The following CEACAM8 variants were observed in gnomAD, a reference collection of about 807,000 sequenced individuals.
CEACAM8 encodes the protein cell adhesion molecule CEACAM8.
Under a neutral mutation model 33.4 loss-of-function variants are expected in CEACAM8, and 31 were observed. The observed-to-expected ratio is 0.93, with a 90% CI of 0.70 to 1.25. The LOEUF is 1.25. CEACAM8 is among the 50% of genes most tolerant of loss of function. The pLI is 0.00. For synonymous variants in CEACAM8, 138 were observed against 164.5 expected, an observed-to-expected ratio of 0.84 and a Z score of 1.23; for missense variants, 388 against 434.6, an observed-to-expected ratio of 0.89 and a Z score of 0.95.
rs184247617 is a variant in CEACAM8, at chr19:42,589,532, C to T, written c.628G>A (p.Val210Ile). 64 of 1,614,198 alleles carry T rather than the reference C, an allele frequency of 4.0e-5. 1 individual carries two copies. In the African/African-American group the frequency reaches 5.5e-4, roughly 14 times the overall value. Residue 210 changes from valine to isoleucine, a missense_variant, in exon 3 of 6, where the codon GTA becomes ATA. Transcript: ENST00000244336. ...TGTATTTCACATTCATAGGGTCCTA[C>T]GTCATTCCTTGTGACACTGAGTAGA... ...LTLLSVTRND[V>I]GPYECEIQNP...
chr19:42,594,690 C>T lies in CEACAM8; in HGVS notation c.64+75G>A, dbSNP rs1179268204. On this transcript the variant is annotated intron_variant, in intron 1 of 5. Coordinates refer to ENST00000244336, the MANE Select transcript of CEACAM8 (RefSeq NM_001816.4). ...AAGTCCTCTGTCCCCTCTCAGAGCC[C>T]CGTCCTCCCCAGGAGACCCCAGCCA... 8.2e-6 allele frequency: 10 copies of T among 1,215,638 alleles called. 1 individual carries two copies. Among genetic ancestry groups the T allele is most frequent in the South Asian group, 1.2e-5 (1 of 83,448 alleles). The allele number at this position is 1,215,638 out of a possible 1,614,324, so 75.3% of individuals were successfully genotyped here. A position where few individuals can be genotyped will look rare whatever the true frequency, so the allele number is the denominator to read the frequency against.
chr19:42,587,505 A>G (rs2042356020), intron 4 of CEACAM8, among the ~76,000 whole-genome samples: 1 of 152,260 alleles, frequency 6.6e-6, no homozygotes, highest in South Asian at 2.1e-4. Context: ...AAGGCCACCT[A>G]TTATATAATT....
chr19:42,587,491 A>G (rs2042355759), intron 4 of CEACAM8, among the ~76,000 whole-genome samples: 1 of 152,268 alleles, frequency 6.6e-6, no homozygotes, highest in Non-Finnish European at 1.5e-5. Flanking sequence ...CAAGCCAGAC[A>G]CAAAAGGCCA....
At chr19:42,592,496 G>A (rs555559294) in intron 2 of CEACAM8, among the ~76,000 whole-genome samples, 5 of 150,684 alleles carry the variant, frequency 3.3e-5, no homozygotes, top group Admixed American at 1.3e-4. Context: ...CCAGCTACTC[G>A]GGAGGCTGAG....
chr19:42,589,003 T>C lies in CEACAM8; in HGVS notation c.739A>G (p.Thr247Ala), dbSNP rs45591641. 5.5e-4 allele frequency: 886 copies of C among 1,613,838 alleles called. 6 individuals are homozygous for C. In the African/African-American group the frequency reaches 0.01, roughly 19 times the overall value. Reference sequence around the variant, plus strand: ...AGATTTACCCCTGCATGGTAATAGGTGTCTGAAGGGGAAATGGTGGGGGCA... The same window carrying C: ...AGATTTACCCCTGCATGGTAATAGGCGTCTGAAGGGGAAATGGTGGGGGCA... ...PDAPTISPSD[T>A]YYHAGVNLNL... Residue 247 changes from threonine to alanine, a missense_variant, in exon 4 of 6, where the codon ACC becomes GCC. By Grantham distance (58) the Thr-to-Ala change is moderately conservative (BLOSUM62 0). Coordinates refer to ENST00000244336, the MANE Select transcript of CEACAM8 (RefSeq NM_001816.4).
intron 4 of CEACAM8, among the ~76,000 whole-genome samples, chr19:42,586,379 G>A (rs902686921): frequency 6.6e-6 from 1 of 152,182 alleles, no homozygotes; most frequent in African/African-American, 2.4e-5. Flanking sequence ...CAGTACTTGC[G>A]TAAAGGAAGA....
intron 2 of CEACAM8, among the ~76,000 whole-genome samples, 200 bp downstream of exon 2, chr19:42,593,341 T>A (rs2042480977): frequency 6.6e-6 from 1 of 152,148 alleles, no homozygotes; most frequent in Non-Finnish European, 1.5e-5. Context: ...CTGCCGTGAG[T>A]GTCTGCAGGG....
intron 4 of CEACAM8, among the ~76,000 whole-genome samples, chr19:42,585,123 T>A (rs2042313365): frequency 6.6e-6 from 1 of 151,892 alleles, no homozygotes; most frequent in Non-Finnish European, 1.5e-5. Context: ...AGGGAGACCC[T>A]GTCTCTACAA....
chr19:42,585,014 T>C (rs1488937443), intron 4 of CEACAM8, among the ~76,000 whole-genome samples: 2 of 152,104 alleles, frequency 1.3e-5, no homozygotes, highest in Non-Finnish European at 2.9e-5. Context: ...GAAAATGGAC[T>C]CCCAGCATGG....
At position 42,589,690 on chromosome 19, in the gene CEACAM8, A is replaced by C. The variant is rs2042400502; in HGVS notation, c.470T>G (p.Val157Gly). Reference protein sequence around the residue: ...PSISSNNSNPVEDKDAVAFTC... With the variant: ...PSISSNNSNPGEDKDAVAFTC... ...GAAGGCCACAGCATCCTTGTCCTCCACGGGGTTGGAGTTGTTGCTGGAGAT... is the reference window on the plus strand; with the variant it reads ...GAAGGCCACAGCATCCTTGTCCTCCCCGGGGTTGGAGTTGTTGCTGGAGAT... Residue 157 changes from valine to glycine, a missense_variant, in exon 3 of 6, where the codon GTG becomes GGG. Val to Gly is a moderately radical substitution (Grantham distance 109, BLOSUM62 -3). Transcript: ENST00000244336. The C allele has an allele frequency of 6.2e-7, 1 of 1,614,128 alleles. No individual in the cohort carries two copies. Among genetic ancestry groups the C allele is most frequent in the African/African-American group, 1.3e-5 (1 of 75,032 alleles).
chr19:42,581,920 A>AAATATATATAT (rs1555805368), intron 5 of CEACAM8, among the ~76,000 whole-genome samples: 3 of 25,314 alleles, frequency 1.2e-4, no homozygotes, highest in African/African-American at 1.6e-4. Flanking sequence ...AAAAAAAAAA[A>AAATATATATAT]ATATATATAT....
Position 42,589,533 on chromosome 19 carries a change from G to C in CEACAM8, c.627C>G (p.Asp209Glu), listed in dbSNP as rs749937078. Reference protein sequence around the residue: ...TLTLLSVTRNDVGPYECEIQN... With the variant: ...TLTLLSVTRNEVGPYECEIQN... ...GTATTTCACATTCATAGGGTCCTAC[G>C]TCATTCCTTGTGACACTGAGTAGAG... is the stretch of plus-strand genomic sequence containing the variant. Residue 209 changes from aspartate to glutamate, a missense_variant, in exon 3 of 6, where the codon GAC (aspartate) becomes GAG (glutamate). Physicochemically the swap from Asp to Glu is conservative, Grantham distance 45 (BLOSUM62 2). Transcript: ENST00000244336. 1 of 1,614,188 alleles carries C rather than the reference G, an allele frequency of 6.2e-7. No individual in the cohort carries two copies. The highest frequency in any genetic ancestry group is 1.1e-5 in the South Asian group (1 of 91,080).
At chr19:42,593,344 C>G (rs1302173609) in intron 2 of CEACAM8, among the ~76,000 whole-genome samples, 197 bp downstream of exon 2, 1 of 152,220 alleles carries the variant, frequency 6.6e-6, no homozygotes, top group Non-Finnish European at 1.5e-5. Flanking sequence ...CCGTGAGTGT[C>G]TGCAGGGTCT....
At chr19:42,585,132 A>C (rs1347950999) in intron 4 of CEACAM8, among the ~76,000 whole-genome samples, 2 of 152,032 alleles carry the variant, frequency 1.3e-5, no homozygotes, top group African/African-American at 4.8e-5. Flanking sequence ...CTGTCTCTAC[A>C]AAATTAAAAC....
intron 4 of CEACAM8, among the ~76,000 whole-genome samples, chr19:42,584,203 T>TACACACAC (rs568291319): frequency 0.041 from 6,065 of 149,102 alleles, 415 homozygotes; most frequent in African/African-American, 0.14. Flanking sequence ...AGATACCTTT[T>TACACACAC]ACACACACAC....
intron 1 of CEACAM8, 134 bp from the exon 2 acceptor site, chr19:42,594,034 G>T: frequency 1.1e-6 from 1 of 923,274 alleles, no homozygotes. Flanking sequence ...AATGTCAGCA[G>T]CACAGCCCCC....
chr19:42,583,072 AC>A, intron 5 of CEACAM8, 133 bp downstream of exon 5: 2 of 607,834 alleles, frequency 3.3e-6, no homozygotes, highest in Non-Finnish European at 5.9e-6. Flanking sequence ...GGAAGAAGAG[AC>A]CTGCAGGAAT....
intron 4 of CEACAM8, among the ~76,000 whole-genome samples, chr19:42,585,801 A>G (rs1216013409): frequency 6.6e-6 from 1 of 152,184 alleles, no homozygotes; most frequent in Non-Finnish European, 1.5e-5. Flanking sequence ...AAGTAAAATT[A>G]TCTGTCTGTT....
chr19:42,590,759 G>A (rs2147869402), intron 2 of CEACAM8, among the ~76,000 whole-genome samples: 1 of 152,314 alleles, frequency 6.6e-6, no homozygotes, highest in African/African-American at 2.4e-5. Context: ...TAGAATGGTG[G>A]TTGCTATGGG....
Sources: allele counts gnomAD v4.1 joint callset (sites outside exome capture counted in the v4.1 genomes callset), GRCh38; gene constraint gnomAD v4.1.1; transcripts MANE v1.5; gene names NCBI Gene and HGNC (gene_info 2026-07-23, HGNC 2026-07-21).